The following SGCD variants were observed in gnomAD, a reference collection of about 807,000 sequenced individuals.
SGCD encodes sarcoglycan delta, also known as delta-sarcoglycan.
A neutral mutation model predicts 36.6 loss-of-function variants in SGCD; 18 were observed. The ratio of observed to expected loss-of-function variants is 0.49; its 90% CI spans 0.34 to 0.73. The LOEUF is 0.73. Among genes scored for constraint, SGCD ranks in the 30% least tolerant of loss-of-function variants. The pLI is 0.01. For synonymous variants in SGCD, 133 were observed against 130.6 expected (o/e 1.02, Z -0.12); for missense variants, 387 against 346.7 (o/e 1.12, Z -0.92).
chr5:155,800,070 T>C, the SGCD span, among the ~76,000 whole-genome samples: 3 of 152,028 alleles, frequency 2.0e-5, no homozygotes, highest in East Asian at 5.8e-4. Flanking sequence ...ACACCTGCCT[T>C]GGGCTCTCAA....
At chr5:156,689,401 CA>C (rs1014332153) in intron 7 of SGCD, among the ~76,000 whole-genome samples, 25 of 152,154 alleles carry the variant, frequency 1.6e-4, no homozygotes, top group African/African-American at 6.0e-4. Flanking sequence ...AGCCTTTATA[CA>C]AAAGGAAGCC....
At chr5:156,411,241 T>C (rs1772734875) in intron 3 of SGCD, among the ~76,000 whole-genome samples, 1 of 152,236 alleles carries the variant, frequency 6.6e-6, no homozygotes. Flanking sequence ...TCTTGGCCTC[T>C]GCACAGAACC....
At chr5:156,072,182 G>A (rs945989944) in intron 1 of SGCD, among the ~76,000 whole-genome samples, 5 of 151,986 alleles carry the variant, frequency 3.3e-5, no homozygotes, top group African/African-American at 1.2e-4. Flanking sequence ...TATGATATTA[G>A]CTGGTTATTT....
intron 3 of SGCD, among the ~76,000 whole-genome samples, chr5:156,150,750 C>T (rs924082063): frequency 1.5e-4 from 23 of 151,676 alleles, no homozygotes; most frequent in African/African-American, 3.2e-4. Flanking sequence ...CAGTTCTACG[C>T]GGTGACTTGC....
chr5:156,326,493 A>G (rs1767819023), upstream of SGCD, among the ~76,000 whole-genome samples: 1 of 152,244 alleles, frequency 6.6e-6, no homozygotes. Flanking sequence ...GCTGCAGCAA[A>G]AAATGTACAT....
chr5:156,012,613 AAT>A, intron 1 of SGCD, among the ~76,000 whole-genome samples: 1 of 104,836 alleles, frequency 9.5e-6, no homozygotes, highest in Non-Finnish European at 1.8e-5. Context: ...GCACAGAGAT[AAT>A]TTTTTTTTTT....
chr5:155,742,992 G>A, the SGCD span, among the ~76,000 whole-genome samples: 11 of 152,314 alleles, frequency 7.2e-5, no homozygotes, highest in African/African-American at 2.6e-4. Context: ...ATAGTGTAAG[G>A]TTTGGTTGGG....
intron 6 of SGCD, among the ~76,000 whole-genome samples, chr5:156,627,350 CAG>C (rs370955158): frequency 6.6e-6 from 1 of 151,830 alleles, no homozygotes; most frequent in African/African-American, 2.4e-5. Context: ...ACTATAAAAA[CAG>C]AGAGAGAGAG....
At chr5:155,954,036 A>AT (rs1757596331) in intron 1 of SGCD, among the ~76,000 whole-genome samples, 4 of 152,178 alleles carry the variant, frequency 2.6e-5, no homozygotes, top group Admixed American at 2.6e-4. Flanking sequence ...AAATGGAGGC[A>AT]TATTTAGGCT....
rs1758096365 is a variant in SGCD, at chr5:155,975,609, C to CCTTTTTTTTTTT, written c.-282+105185_-282+105186insCTTTTTTTTTTT. Among the ~76,000 whole-genome samples, 6 of 28,008 alleles carry CCTTTTTTTTTTT rather than the reference C, an allele frequency of 2.1e-4. 1 individual carries two copies. The highest frequency in any genetic ancestry group is 1.2e-3 in the South Asian group (1 of 850). The allele number at this position is 28,008 out of a possible 152,430, so 18.4% of individuals were successfully genotyped here. A position where few individuals can be genotyped will look rare whatever the true frequency, so the allele number is the denominator to read the frequency against. Reference sequence around the variant, plus strand: ...TGTGTTATTTATTTTTCTTTCTTTCCTTTTTTTTTTTTTTTTTTTTTTTTT... The same window carrying CCTTTTTTTTTTT: ...TGTGTTATTTATTTTTCTTTCTTTCCCTTTTTTTTTTTTTTTTTTTTTTTTTTTTTTTTTTTT... On this transcript the variant is annotated intron_variant, in intron 1 of 9. Coordinates refer to the SGCD transcript ENST00000517913.
intron 7 of SGCD, among the ~76,000 whole-genome samples, chr5:156,690,988 C>T (rs1339717043): frequency 6.6e-6 from 1 of 151,874 alleles, no homozygotes; most frequent in African/African-American, 2.4e-5. Flanking sequence ...GGGTGGATTG[C>T]TTGAGGTCAG....
chr5:156,653,191 C>T (rs1474657117), intron 7 of SGCD, among the ~76,000 whole-genome samples: 3 of 152,052 alleles, frequency 2.0e-5, no homozygotes, highest in African/African-American at 7.2e-5. Flanking sequence ...CTTTGTACAT[C>T]TGGTAGAATT....
At chr5:156,556,865 A>G (rs762891881) in intron 4 of SGCD, among the ~76,000 whole-genome samples, 48 of 152,160 alleles carry the variant, frequency 3.2e-4, no homozygotes, top group Non-Finnish European at 5.0e-4. Flanking sequence ...GTTGCAGCTT[A>G]TGCTCCAGAG....
At chr5:155,988,531 T>G (rs1312998164) in intron 1 of SGCD, among the ~76,000 whole-genome samples, 2 of 152,172 alleles carry the variant, frequency 1.3e-5, no homozygotes, top group Non-Finnish European at 2.9e-5. Flanking sequence ...CAACTAATAG[T>G]GCCAGCCGCA....
intron 6 of SGCD, among the ~76,000 whole-genome samples, chr5:156,636,025 T>TA (rs1426628162): frequency 6.6e-6 from 1 of 151,822 alleles, no homozygotes; most frequent in Admixed American, 6.6e-5. Flanking sequence ...CCCTAAAACT[T>TA]AAAGTGTAAT....
chr5:156,563,995 G>A (rs73297202), intron 4 of SGCD, among the ~76,000 whole-genome samples: 12,620 of 152,242 alleles, frequency 0.083, 1,441 homozygotes, highest in African/African-American at 0.25. Flanking sequence ...ATTATCAAAG[G>A]ATGAAGCAGT....
Position 156,061,126 on chromosome 5 carries a change from G to A in SGCD, c.-281-56752G>A, listed in dbSNP as rs571704702. Among the ~76,000 whole-genome samples the A allele has an allele frequency of 6.3e-4, 91 of 145,304 alleles. 4 individuals carry two copies. Among genetic ancestry groups the A allele is most frequent in the African/African-American group, 2.1e-3 (87 of 40,548 alleles). On this transcript the variant is annotated intron_variant, in intron 1 of 9. Coordinates refer to the SGCD transcript ENST00000517913. ...GTCAAAGCACTAGTCTCACAGAGAC[G>A]TTATTAATGAGTCTATAAGATTTTA...
intron 1 of SGCD, among the ~76,000 whole-genome samples, chr5:156,015,271 T>C (rs1758944968): frequency 6.6e-6 from 1 of 152,190 alleles, no homozygotes; most frequent in Admixed American, 6.5e-5. Context: ...TCTTTTTTAT[T>C]CAATAGGTTA....
the SGCD span, among the ~76,000 whole-genome samples, chr5:155,727,941 T>C: frequency 2.3e-3 from 345 of 152,318 alleles, 1 homozygote; most frequent in African/African-American, 7.2e-3. Context: ...ACCTGTCCCC[T>C]TGGCGGAGAC....
Sources: allele counts gnomAD v4.1 joint callset (sites outside exome capture counted in the v4.1 genomes callset), GRCh38; gene constraint gnomAD v4.1.1; transcripts MANE v1.5; gene names NCBI Gene and HGNC (gene_info 2026-07-23, HGNC 2026-07-21).